The following B4GALT7 variants were observed in gnomAD, a reference collection of about 807,000 sequenced individuals.
The protein encoded by B4GALT7 is beta-1,4-galactosyltransferase 7.
Under a neutral mutation model 33.0 loss-of-function variants are expected in B4GALT7, and 30 were observed. The observed-to-expected ratio is 0.91, with a 90% CI of 0.68 to 1.23. B4GALT7 has a LOEUF of 1.23. Ranked by LOEUF, B4GALT7 falls within the 50% of genes most tolerant of loss-of-function variation. B4GALT7 has a pLI of 0.00. For missense variants in B4GALT7, 507 were observed against 450.8 expected (o/e 1.12, Z -1.13); for synonymous variants, 213 against 187.2 (o/e 1.14, Z -1.13).
Position 177,608,209 on chromosome 5 carries a change from G to A in B4GALT7, c.640-330G>A. ...ACACACAGGAAGAGATGAGGGCAGGGCCACCAGGAGAAAGGGGAATGGGGG... is the reference window on the plus strand; with the variant it reads ...ACACACAGGAAGAGATGAGGGCAGGACCACCAGGAGAAAGGGGAATGGGGG... On this transcript the variant is annotated intron_variant, in intron 3 of 5. Transcript: ENST00000029410. This position sits in a 1 kb window ranked among gnomAD's most constrained non-coding sequence, Gnocchi z 4.1. 1 of 389,666 alleles carries A rather than the reference G, an allele frequency of 2.6e-6. No individual in the cohort carries two copies. Among genetic ancestry groups the A allele is most frequent in the Non-Finnish European group, 4.8e-6 (1 of 207,338 alleles). The allele number at this position is 389,666 out of a possible 1,614,324, so 24.1% of individuals were successfully genotyped here.
chr5:177,604,493 A>C lies in B4GALT7; in HGVS notation c.365A>C (p.Lys122Thr). 6.2e-7 allele frequency: 1 copy of C among 1,613,954 alleles called. No homozygotes were observed. Among genetic ancestry groups the C allele is most frequent in the South Asian group, 1.1e-5 (1 of 91,090 alleles). Residue 122 changes from lysine to threonine, a missense_variant, in exon 2 of 6, where the codon AAG (lysine) becomes ACG (threonine). By Grantham distance (78) the Lys-to-Thr change is moderately conservative (BLOSUM62 -1). Transcript: ENST00000029410. ...VPHMRRFLSR[K>T]KIRHHIYVLN... is the part of the protein sequence containing the mutation. ...CACATGCGCCGCTTCCTGAGCAGGA[A>C]GAAGATCCGGCACCACATCTACGTG...
chr5:177,607,233 G>A (rs759289164), intron 2 of B4GALT7, 69 bp from the exon 3 acceptor site: 54 of 1,407,372 alleles, frequency 3.8e-5, no homozygotes, highest in Non-Finnish European at 4.2e-5. Flanking sequence ...GGGGACCCCC[G>A]GGTGGGTGCT....
chr5:177,604,143 C>CCCCGCCCTCCTGACCCTGT (rs1255962272), intron 1 of B4GALT7, 36 bp from the exon 2 acceptor site: 2 of 1,612,392 alleles, frequency 1.2e-6, no homozygotes, highest in Non-Finnish European at 1.7e-6. Context: ...GCCAGCCCTG[C>CCCCGCCCTCCTGACCCTGT]CCCGCCCTCC....
At position 177,610,170 on chromosome 5, in the gene B4GALT7, G is replaced by T. The variant is rs1156799756; in HGVS notation, c.*475G>T. The T allele has an allele frequency of 2.0e-5, 4 of 195,246 alleles. No homozygotes were observed. The highest frequency in any genetic ancestry group is 4.3e-5 in the Non-Finnish European group (4 of 93,486). The allele number at this position is 195,246 out of a possible 1,614,324, so 12.1% of individuals were successfully genotyped here. On this transcript the variant is annotated 3_prime_UTR_variant, in exon 6 of 6. Coordinates refer to ENST00000029410, the MANE Select transcript of B4GALT7 (RefSeq NM_007255.3). ...ACCAGAGCACAAGCCCCACAGAGGG[G>T]GAACAGCCAGCACCGCTCTAGCTGG...
Position 177,608,915 on chromosome 5 carries a change from C to G in B4GALT7, c.729C>G (p.Phe243Leu). Reference protein sequence around the residue: ...RRIKGAGLQLFRPSGITTGYK... With the variant: ...RRIKGAGLQLLRPSGITTGYK... ...ACTTCCTTGGACCTCCCTAGCTTTTCCGCCCCTCGGGAATCACAACTGGGT... is the reference window on the plus strand; with the variant it reads ...ACTTCCTTGGACCTCCCTAGCTTTTGCGCCCCTCGGGAATCACAACTGGGT... The change falls in exon 5 of 6, where the codon TTC (phenylalanine) becomes TTG (leucine). Residue 243 changes from phenylalanine (F) to leucine (L), a missense_variant. Coordinates refer to ENST00000029410, the MANE Select transcript of B4GALT7 (RefSeq NM_007255.3). The surrounding 1 kb of genome is among the most constrained non-coding windows in gnomAD (Gnocchi z 4.1). 1 of 1,613,616 alleles carries G rather than the reference C, an allele frequency of 6.2e-7. No homozygotes were observed. Among genetic ancestry groups the G allele is most frequent in the Non-Finnish European group, 8.5e-7 (1 of 1,179,894 alleles).
At position 177,608,921 on chromosome 5, in the gene B4GALT7, C is replaced by T; in HGVS notation, c.735C>T (p.Pro245=). Residue 245 remains proline (P), a synonymous_variant, in exon 5 of 6, where the codon CCC becomes CCT. Transcript: ENST00000029410. This position sits in a 1 kb window ranked among gnomAD's most constrained non-coding sequence, Gnocchi z 4.1. Reference sequence around the variant, plus strand: ...TTGGACCTCCCTAGCTTTTCCGCCCCTCGGGAATCACAACTGGGTACAAGA... The same window carrying T: ...TTGGACCTCCCTAGCTTTTCCGCCCTTCGGGAATCACAACTGGGTACAAGA... The part of the protein sequence containing the change: ...IKGAGLQLFR[P]SGITTGYKTF... 2.5e-6 allele frequency: 4 copies of T among 1,613,760 alleles called. No individual in the cohort carries two copies. The highest frequency in any genetic ancestry group is 2.5e-6 in the Non-Finnish European group (3 of 1,179,980).
intron 2 of B4GALT7, chr5:177,605,009 A>G (rs1248332001): frequency 2.2e-6 from 1 of 455,600 alleles, no homozygotes; most frequent in Non-Finnish European, 4.4e-6. Flanking sequence ...ACAGCCTGAG[A>G]TCTCACCCAC....
chr5:177,602,213 G>A lies in B4GALT7; in HGVS notation c.50+1953G>A, dbSNP rs1040660027. On this transcript the variant is annotated intron_variant, in intron 1 of 5. Transcript: ENST00000029410. ...TGGGGGGTAAGTCAGAAGCCCTGGG[G>A]GGTTTCCTACCAGGCCACCTCTCAG... 2.0e-5 allele frequency among the ~76,000 whole-genome samples: 3 copies of A among 152,222 alleles called. No individual in the cohort carries two copies. In the East Asian group the frequency reaches 5.8e-4, roughly 30 times the overall value.
At chr5:177,603,419 C>G (rs1581991690) in intron 1 of B4GALT7, 2 of 942,028 alleles carry the variant, frequency 2.1e-6, no homozygotes, top group East Asian at 1.2e-4. Flanking sequence ...TGGCATCACC[C>G]CAGTGTCTGT....
In B4GALT7 at chr5:177,607,577, C is replaced by T. The variant is rs566289359; in HGVS notation, c.639+50C>T. 4 of 1,560,096 alleles carry T rather than the reference C, an allele frequency of 2.6e-6. No individual in the cohort carries two copies. In the East Asian group the frequency reaches 9.0e-5, roughly 35 times the overall value. ...CTCAGAGCCGGGAGCTCCCTCCAGG[C>T]TGCGGGTGGTGGGAAGGATGGGGCA... On this transcript the variant is annotated intron_variant, in intron 3 of 5. Coordinates refer to ENST00000029410, the MANE Select transcript of B4GALT7 (RefSeq NM_007255.3).
chr5:177,602,400 G>A (rs1218075695), intron 1 of B4GALT7, among the ~76,000 whole-genome samples: 1 of 152,178 alleles, frequency 6.6e-6, no homozygotes, highest in Non-Finnish European at 1.5e-5. Context: ...TCTGCTGTCT[G>A]GCCTGTGCTT....
chr5:177,608,435 T>C lies in B4GALT7; in HGVS notation c.640-104T>C. ...CAGGAGCCTGCAAGCACCCGGGGCT[T>C]ATTCAGAGGCGCTGGGGGAGAGGGG... On this transcript the variant is annotated intron_variant, in intron 3 of 5. Transcript: ENST00000029410. The surrounding 1 kb of genome is among the most constrained non-coding windows in gnomAD (Gnocchi z 4.1). 1 of 1,045,646 alleles carries C rather than the reference T, an allele frequency of 9.6e-7. No individual in the cohort carries two copies. Among genetic ancestry groups the C allele is most frequent in the Admixed American group, 1.8e-5 (1 of 55,922 alleles). The allele number at this position is 1,045,646 out of a possible 1,614,324, so 64.8% of individuals were successfully genotyped here.
In B4GALT7 at chr5:177,608,589, G is replaced by A; in HGVS notation, c.690G>A (p.Glu230=). 2 of 1,613,962 alleles carry A rather than the reference G, an allele frequency of 1.2e-6. No homozygotes were observed. The highest frequency in any genetic ancestry group is 8.5e-7 in the Non-Finnish European group (1 of 1,180,024). The change falls in exon 4 of 6, where the codon GAG becomes GAA. Residue 230 remains glutamate, a synonymous_variant. Transcript: ENST00000029410. The surrounding 1 kb of genome is among the most constrained non-coding windows in gnomAD (Gnocchi z 4.1). The stretch of plus-strand genomic sequence containing the variant: ...GGGGCTGGGGCCGCGAGGACGACGA[G>A]TTCTACCGGCGCATTAAGGGAGCTG... The part of the protein sequence containing the change: ...RFWGWGREDD[E]FYRRIKGAGL...
At position 177,608,373 on chromosome 5, in the gene B4GALT7, G is replaced by C. The variant is rs1487559273; in HGVS notation, c.640-166G>C. On this transcript the variant is annotated intron_variant, in intron 3 of 5. Coordinates refer to ENST00000029410, the MANE Select transcript of B4GALT7 (RefSeq NM_007255.3). The surrounding 1 kb of genome is among the most constrained non-coding windows in gnomAD (Gnocchi z 4.1). ...CCCCGTGAGAACGGGAGAGGGCCCG[G>C]GACGCGCTGCTTCCTGCCGCCCGCA... The C allele has an allele frequency of 1.6e-6, 1 of 630,552 alleles. No individual in the cohort carries two copies. Among genetic ancestry groups the C allele is most frequent in the Non-Finnish European group, 2.8e-6 (1 of 354,060 alleles). The allele number at this position is 630,552 out of a possible 1,614,324, so 39.1% of individuals were successfully genotyped here. A position where few individuals can be genotyped will look rare whatever the true frequency, so the allele number is the denominator to read the frequency against.
Position 177,606,816 on chromosome 5 carries a change from C to T in B4GALT7, c.414-486C>T, listed in dbSNP as rs117922654. 6.0e-4 allele frequency: 141 copies of T among 234,972 alleles called. 1 individual carries two copies. The East Asian group carries it at 0.012, about 19-fold the overall frequency. The allele number at this position is 234,972 out of a possible 1,614,324, so 14.6% of individuals were successfully genotyped here. ...CCGTTGGTCTGCTCCTGCCTCCTGC[C>T]GTGGCAGTGCCATCTCTCCTATGCA... On this transcript the variant is annotated intron_variant, in intron 2 of 5. Coordinates refer to ENST00000029410, the MANE Select transcript of B4GALT7 (RefSeq NM_007255.3). The surrounding 1 kb of genome is among the most constrained non-coding windows in gnomAD (Gnocchi z 4.2).
chr5:177,606,820 G>T lies in B4GALT7; in HGVS notation c.414-482G>T. 4.5e-6 allele frequency: 1 copy of T among 224,474 alleles called. No homozygotes were observed. Among genetic ancestry groups the T allele is most frequent in the East Asian group, 1.1e-4 (1 of 8,860 alleles). The allele number at this position is 224,474 out of a possible 1,614,324, so 13.9% of individuals were successfully genotyped here. A position where few individuals can be genotyped will look rare whatever the true frequency, so the allele number is the denominator to read the frequency against. ...TGGTCTGCTCCTGCCTCCTGCCGTG[G>T]CAGTGCCATCTCTCCTATGCAGAGC... On this transcript the variant is annotated intron_variant, in intron 2 of 5. Coordinates refer to ENST00000029410, the MANE Select transcript of B4GALT7 (RefSeq NM_007255.3). The surrounding 1 kb of genome is among the most constrained non-coding windows in gnomAD (Gnocchi z 4.2).
At chr5:177,607,558 G>T in intron 3 of B4GALT7, 31 bp downstream of exon 3, 1 of 1,594,546 alleles carries the variant, frequency 6.3e-7, no homozygotes, top group South Asian at 1.1e-5. Flanking sequence ...TCTGCTCAGA[G>T]CCGGGAGCTC....
chr5:177,604,614 C>T (rs929684201), intron 2 of B4GALT7, 73 bp downstream of exon 2: 1 of 1,599,614 alleles, frequency 6.3e-7, no homozygotes, highest in Non-Finnish European at 8.5e-7. Context: ...TGTGAGAGGC[C>T]ACCTGGGGCA....
At chr5:177,601,975 G>A (rs1581990692) in intron 1 of B4GALT7, among the ~76,000 whole-genome samples, 3 of 152,308 alleles carry the variant, frequency 2.0e-5, no homozygotes, top group Admixed American at 2.0e-4. Flanking sequence ...GGACGTGCTC[G>A]GAGTACCCAG....
Sources: allele counts gnomAD v4.1 joint callset (sites outside exome capture counted in the v4.1 genomes callset), GRCh38; gene constraint gnomAD v4.1.1; non-coding constraint Gnocchi (gnomAD v3.1); transcripts MANE v1.5; gene names NCBI Gene and HGNC (gene_info 2026-07-23, HGNC 2026-07-21).